RPA2: variants seen among roughly 807,000 people sequenced by gnomAD.
The protein encoded by RPA2 is replication protein A2, also known as replication protein A 32 kDa subunit.
Under a neutral mutation model 33.4 loss-of-function variants are expected in RPA2, and 22 were observed. The observed-to-expected ratio is 0.66, with a 90% CI of 0.47 to 0.94. The LOEUF (loss-of-function observed/expected upper bound fraction) is 0.94, where lower values mean the gene tolerates loss of function less well. RPA2 is among the 40% of genes least tolerant of loss of function. The pLI, the probability that RPA2 is intolerant of heterozygous loss-of-function variation, is 0.00. For missense variants in RPA2, 279 were observed against 329.9 expected (o/e 0.85, Z 1.19); for synonymous variants, 109 against 114.9 (o/e 0.95, Z 0.33).
chr1:27,903,900 C>T (rs1222512187), intron 4 of RPA2, among the ~76,000 whole-genome samples: 4 of 145,378 alleles, frequency 2.8e-5, no homozygotes, highest in Non-Finnish European at 6.0e-5. Flanking sequence ...GCCAATGGCT[C>T]ATGCCTATAA....
At chr1:27,905,682 T>C (rs780894025) in intron 4 of RPA2, among the ~76,000 whole-genome samples, 1 of 151,092 alleles carries the variant, frequency 6.6e-6, no homozygotes, top group African/African-American at 2.4e-5. Context: ...TTTTTTTGTT[T>C]TGAGGCGCAA....
chr1:27,897,311 A>G (rs1175113740), intron 5 of RPA2, among the ~76,000 whole-genome samples, 190 bp from the exon 6 acceptor site: 1 of 141,720 alleles, frequency 7.1e-6, no homozygotes, highest in Non-Finnish European at 1.6e-5. Flanking sequence ...TAGCTAAGGG[A>G]CATTAATAAT....
intron 4 of RPA2, among the ~76,000 whole-genome samples, chr1:27,905,790 G>C (rs1160261932): frequency 1.6e-5 from 2 of 125,142 alleles, no homozygotes; most frequent in Non-Finnish European, 3.3e-5. Flanking sequence ...ACCACACCCG[G>C]CTAATGTTTT....
chr1:27,900,394 G>A (rs949712448), intron 4 of RPA2, among the ~76,000 whole-genome samples: 3 of 152,154 alleles, frequency 2.0e-5, no homozygotes, highest in Non-Finnish European at 2.9e-5. Context: ...TTACACGCAT[G>A]AGCCACCGCA....
At chr1:27,908,619 C>T (rs12040493) in intron 2 of RPA2, among the ~76,000 whole-genome samples, 2 of 151,700 alleles carry the variant, frequency 1.3e-5, no homozygotes, top group Non-Finnish European at 1.5e-5. Flanking sequence ...TCTCAGCCCC[C>T]CCGAGTAGCT....
At chr1:27,896,853 A>G (rs1184866062) in intron 6 of RPA2, 152 bp downstream of exon 6, 2 of 570,996 alleles carry the variant, frequency 3.5e-6, no homozygotes, top group Admixed American at 3.2e-5. Context: ...ATAAAATACA[A>G]TGACAAAGCT....
At chr1:27,901,069 C>T (rs558195359) in intron 4 of RPA2, among the ~76,000 whole-genome samples, 1 of 152,296 alleles carries the variant, frequency 6.6e-6, no homozygotes, top group African/African-American at 2.4e-5. Flanking sequence ...AAAGCAGTAG[C>T]AGGGTTTGAG....
intron 8 of RPA2, among the ~76,000 whole-genome samples, chr1:27,893,086 G>A (rs924726290): frequency 3.3e-5 from 5 of 152,170 alleles, no homozygotes; most frequent in African/African-American, 1.2e-4. Flanking sequence ...CAACAGGACT[G>A]TACACCTGAC....
At position 27,893,873 on chromosome 1, in the gene RPA2, T is replaced by C. The variant is rs187055311; in HGVS notation, c.728+139A>G. On this transcript the variant is annotated intron_variant, in intron 8 of 8. Transcript: ENST00000373912. ...ATCCACCTGCCTCGGCCTCCCAAAGTGCTGAGATTACAGGCGTGAGCCACC... is the reference window on the plus strand; with the variant it reads ...ATCCACCTGCCTCGGCCTCCCAAAGCGCTGAGATTACAGGCGTGAGCCACC... The C allele has an allele frequency of 4.7e-6, 3 of 635,454 alleles. No individual in the cohort carries two copies. The East Asian group carries it at 8.5e-5, about 18-fold the overall frequency. 39.4% of individuals were successfully genotyped at this position (635,454 alleles called of 1,614,324 possible).
intron 6 of RPA2, among the ~76,000 whole-genome samples, chr1:27,895,994 C>T (rs2089886234): frequency 6.6e-6 from 1 of 152,070 alleles, no homozygotes; most frequent in Admixed American, 6.6e-5. Flanking sequence ...AAAATTGTAC[C>T]ATTCTTGTTC....
At chr1:27,892,623 C>T (rs1557461471) in intron 8 of RPA2, among the ~76,000 whole-genome samples, 1 of 152,198 alleles carries the variant, frequency 6.6e-6, no homozygotes, top group Non-Finnish European at 1.5e-5. Flanking sequence ...CTTTTCCAGC[C>T]ACACACTGAA....
intron 2 of RPA2, among the ~76,000 whole-genome samples, chr1:27,907,774 T>C (rs933238162): frequency 6.6e-6 from 1 of 152,206 alleles, no homozygotes; most frequent in Non-Finnish European, 1.5e-5. Context: ...TAGCTTCTTG[T>C]AGGACAGATT....
At chr1:27,901,879 T>A (rs1171316104) in intron 4 of RPA2, among the ~76,000 whole-genome samples, 1 of 151,954 alleles carries the variant, frequency 6.6e-6, no homozygotes, top group African/African-American at 2.4e-5. Context: ...AAGTTACAGG[T>A]GTGAGCCACT....
chr1:27,896,298 T>C (rs1350558164), intron 6 of RPA2, among the ~76,000 whole-genome samples: 1 of 152,054 alleles, frequency 6.6e-6, no homozygotes, highest in Non-Finnish European at 1.5e-5. Context: ...GCTTAAGTGA[T>C]CTCCCAACCT....
rs765627839 is a variant in RPA2, at chr1:27,897,060, G to A, written c.470C>T (p.Thr157Ile). 4.3e-6 allele frequency: 7 copies of A among 1,613,994 alleles called. No individual in the cohort carries two copies. The South Asian group carries it at 7.7e-5, about 18-fold the overall frequency. The change falls in exon 6 of 9, where the codon ACA becomes ATA. Residue 157 changes from threonine to isoleucine, a missense_variant. Physicochemically the swap from Thr to Ile is moderately conservative, Grantham distance 89. Around this residue, in one of 2 missense-constraint regions of RPA2, gnomAD observed 274 missense variants for 310.3 expected, o/e 0.88. Coordinates refer to ENST00000373912, the MANE Select transcript of RPA2 (RefSeq NM_002946.5). The stretch of plus-strand genomic sequence containing the variant: ...TGCATTGATCACTTCCAGAATATGT[G>A]TGGTGAACTCATTCATATCCTCCAG... ...MPLEDMNEFT[T>I]HILEVINAHM...
At chr1:27,907,853 A>T (rs1571620524) in intron 2 of RPA2, among the ~76,000 whole-genome samples, 2 of 151,872 alleles carry the variant, frequency 1.3e-5, no homozygotes, top group Middle Eastern at 6.8e-3. Context: ...ATCTTTTTAA[A>T]TTTTTTTTCT....
In RPA2 at chr1:27,892,131, G is replaced by A. The variant is rs1557461001; in HGVS notation, c.*32C>T. The A allele has an allele frequency of 1.3e-6, 2 of 1,567,270 alleles. No homozygotes were observed. Among genetic ancestry groups the A allele is most frequent in the South Asian group, 1.1e-5 (1 of 89,672 alleles). ...ACAGATTGTGAAACTAGGTCCAGCTGTAAAATATCTCAGGTACCCAGTTAG... is the reference window on the plus strand; with the variant it reads ...ACAGATTGTGAAACTAGGTCCAGCTATAAAATATCTCAGGTACCCAGTTAG... On this transcript the variant is annotated 3_prime_UTR_variant, in exon 9 of 9. Transcript: ENST00000373912.
At chr1:27,905,362 C>T (rs191017845) in intron 4 of RPA2, among the ~76,000 whole-genome samples, 81 of 152,208 alleles carry the variant, frequency 5.3e-4, no homozygotes, top group Admixed American at 2.7e-3. Flanking sequence ...GGCATGATCT[C>T]GGCTCACTGC....
intron 4 of RPA2, among the ~76,000 whole-genome samples, chr1:27,900,978 G>C (rs1489106090): frequency 6.6e-6 from 1 of 152,170 alleles, no homozygotes; most frequent in Admixed American, 6.5e-5. Flanking sequence ...TCTTGAGATG[G>C]AATCTCCTCC....
Sources: gnomAD v4.1 joint callset for allele counts (sites outside exome capture counted in the v4.1 genomes callset) on GRCh38, gnomAD v4.1.1 for gene constraint, gnomAD v4.1.1 regional missense constraint, MANE v1.5 for transcripts, NCBI Gene and HGNC (gene_info 2026-07-23, HGNC 2026-07-21) for gene names.